The following ANKS1B variants were observed in gnomAD, a reference collection of about 807,000 sequenced individuals.
ANKS1B encodes the protein ankyrin repeat and sterile alpha motif domain-containing protein 1B.
In ANKS1B, 36 loss-of-function variants were observed where a neutral mutation model predicts 148.3. That is an observed-to-expected ratio of 0.24 (90% CI 0.19 to 0.32). The LOEUF is 0.32. ANKS1B is among the 10% of genes least tolerant of loss of function. ANKS1B has a pLI of 1.00. For synonymous variants in ANKS1B, 542 were observed against 560.8 expected (o/e 0.97, Z 0.47); for missense variants, 1,157 against 1,542.6 (o/e 0.75, Z 4.19).
intron 17 of ANKS1B, among the ~76,000 whole-genome samples, chr12:98,891,694 A>T (rs1018384335): frequency 3.3e-5 from 5 of 152,234 alleles, no homozygotes; most frequent in African/African-American, 1.2e-4. Context: ...GAGTAAAAAC[A>T]TTACATATAA....
Position 99,925,244 on chromosome 12 carries a change from G to A in ANKS1B, c.134+58860C>T, listed in dbSNP as rs907379545. Among the ~76,000 whole-genome samples, 4 of 152,246 alleles carry A rather than the reference G, an allele frequency of 2.6e-5. No homozygotes were observed. The South Asian group carries it at 8.3e-4, about 32-fold the overall frequency. Reference sequence around the variant, plus strand: ...ATTGCAAACCAGAGCAATAAGCTTGGGAGCTTACCTGTAGTCACCTTGGGA... The same window carrying A: ...ATTGCAAACCAGAGCAATAAGCTTGAGAGCTTACCTGTAGTCACCTTGGGA... On this transcript the variant is annotated intron_variant, in intron 1 of 26. Transcript: ENST00000683438.
At chr12:99,145,698 T>G (rs1258105986) in intron 15 of ANKS1B, among the ~76,000 whole-genome samples, 1 of 152,064 alleles carries the variant, frequency 6.6e-6, no homozygotes, top group Non-Finnish European at 1.5e-5. Context: ...GGCTAGTATC[T>G]TGTTTAGTGC....
At chr12:99,639,845 A>G (rs2098283082) in intron 9 of ANKS1B, among the ~76,000 whole-genome samples, 1 of 152,102 alleles carries the variant, frequency 6.6e-6, no homozygotes, top group Non-Finnish European at 1.5e-5. Context: ...TTCATAGCAG[A>G]GTGATAACTT....
chr12:98,813,179 A>T (rs1169144615), intron 19 of ANKS1B, among the ~76,000 whole-genome samples: 2 of 152,112 alleles, frequency 1.3e-5, no homozygotes, highest in African/African-American at 4.8e-5. Context: ...TCTGGGGCCC[A>T]AATTCCTAGA....
intron 22 of ANKS1B, 76 bp downstream of exon 22, chr12:98,798,858 G>T: frequency 8.0e-7 from 1 of 1,254,246 alleles, no homozygotes. Context: ...ATAGTAATTT[G>T]AAAGGTGGCA....
chr12:99,365,571 G>A (rs773937770), intron 12 of ANKS1B, among the ~76,000 whole-genome samples: 2 of 152,146 alleles, frequency 1.3e-5, no homozygotes, highest in Non-Finnish European at 2.9e-5. Context: ...ATAGGAACCC[G>A]GGCCCATATG....
intron 9 of ANKS1B, among the ~76,000 whole-genome samples, chr12:99,597,932 T>C (rs1044322343): frequency 1.3e-5 from 2 of 151,976 alleles, no homozygotes; most frequent in African/African-American, 4.8e-5. Flanking sequence ...AAACCAAGTG[T>C]TAAATTATTT....
chr12:99,082,779 A>G (rs2050258322), intron 16 of ANKS1B, among the ~76,000 whole-genome samples: 1 of 152,144 alleles, frequency 6.6e-6, no homozygotes, highest in Non-Finnish European at 1.5e-5. Context: ...GCACAAAGGA[A>G]GTGATATGAT....
chr12:98,850,052 A>G (rs907653913), intron 17 of ANKS1B, among the ~76,000 whole-genome samples: 14 of 152,146 alleles, frequency 9.2e-5, no homozygotes, highest in African/African-American at 3.4e-4. Context: ...TTACCTGATG[A>G]TTAAATCCTG....
chr12:99,603,374 AG>A (rs2097822348), intron 9 of ANKS1B, among the ~76,000 whole-genome samples: 1 of 152,126 alleles, frequency 6.6e-6, no homozygotes, highest in African/African-American at 2.4e-5. Context: ...CTGAGGTTTC[AG>A]GGCTGTCAGA....
chr12:99,186,514 C>T (rs2079881234), intron 14 of ANKS1B, among the ~76,000 whole-genome samples: 1 of 152,122 alleles, frequency 6.6e-6, no homozygotes, highest in Non-Finnish European at 1.5e-5. Context: ...GGAGGGTGCC[C>T]CTCTGAGATG....
At chr12:99,015,982 G>C (rs1480645198) in intron 17 of ANKS1B, among the ~76,000 whole-genome samples, 1 of 151,588 alleles carries the variant, frequency 6.6e-6, no homozygotes, top group Non-Finnish European at 1.5e-5. Context: ...ATAACATCTA[G>C]AATTAAATAG....
intron 12 of ANKS1B, among the ~76,000 whole-genome samples, chr12:99,310,178 A>T (rs926906496): frequency 3.3e-5 from 5 of 152,174 alleles, no homozygotes; most frequent in African/African-American, 1.2e-4. Context: ...TTAAGAAATA[A>T]TAACATGTTT....
At chr12:99,275,062 T>C (rs376277001) in intron 12 of ANKS1B, among the ~76,000 whole-genome samples, 19 of 152,164 alleles carry the variant, frequency 1.2e-4, no homozygotes, top group African/African-American at 3.9e-4. Context: ...TTTTAAAATT[T>C]TTGTGGGTAG....
intron 17 of ANKS1B, among the ~76,000 whole-genome samples, chr12:98,932,672 A>G (rs2099814747): frequency 1.3e-5 from 2 of 152,208 alleles, no homozygotes. Context: ...ACTAATTGTT[A>G]TTACATACTT....
At chr12:99,554,883 T>C (rs372214160) in intron 9 of ANKS1B, among the ~76,000 whole-genome samples, 7 of 152,306 alleles carry the variant, frequency 4.6e-5, no homozygotes, top group African/African-American at 1.7e-4. Context: ...CAGTATCTGT[T>C]GTTCCCTTCT....
intron 8 of ANKS1B, among the ~76,000 whole-genome samples, chr12:99,657,281 A>G (rs2098454089): frequency 1.3e-5 from 2 of 152,286 alleles, no homozygotes; most frequent in African/African-American, 4.8e-5. Flanking sequence ...ATTCTAACCC[A>G]GACTAGGGGG....
At chr12:98,948,355 C>T (rs780730211) in intron 17 of ANKS1B, among the ~76,000 whole-genome samples, 2 of 152,162 alleles carry the variant, frequency 1.3e-5, no homozygotes, top group Non-Finnish European at 2.9e-5. Context: ...GCTGGTTTAT[C>T]TCTAGTTTAA....
chr12:99,086,779 A>C (rs1393599484), intron 15 of ANKS1B, among the ~76,000 whole-genome samples: 1 of 152,200 alleles, frequency 6.6e-6, no homozygotes, highest in African/African-American at 2.4e-5. Context: ...GAGGTTCAAG[A>C]ATTCAGATCA....
Sources: allele counts gnomAD v4.1 joint callset (sites outside exome capture counted in the v4.1 genomes callset), GRCh38; gene constraint gnomAD v4.1.1; transcripts MANE v1.5; gene names NCBI Gene and HGNC (gene_info 2026-07-23, HGNC 2026-07-21).